Variants in VPS37A observed in about 807,000 individuals in gnomAD.
The protein encoded by VPS37A is VPS37A subunit of ESCRT-I, also known as vacuolar protein sorting-associated protein 37A.
Under a neutral mutation model 49.8 loss-of-function variants are expected in VPS37A, and 30 were observed. The ratio of observed to expected loss-of-function variants is 0.60; its 90% CI spans 0.45 to 0.82. The LOEUF (loss-of-function observed/expected upper bound fraction) is 0.82, where lower values mean the gene tolerates loss of function less well. VPS37A is among the 40% of genes least tolerant of loss of function. VPS37A has a pLI of 0.00. For missense variants in VPS37A, 593 were observed against 464.4 expected, an observed-to-expected ratio of 1.28 and a Z score of -2.55; for synonymous variants, 195 against 160.6, an observed-to-expected ratio of 1.21 and a Z score of -1.62.
chr8:17,266,307 A>G (rs1011219267), intron 2 of VPS37A, among the ~76,000 whole-genome samples: 2 of 152,206 alleles, frequency 1.3e-5, no homozygotes, highest in African/African-American at 4.8e-5. Flanking sequence ...ATATATATAA[A>G]GCCGTTAGAG....
At chr8:17,278,455 A>G (rs1814733414) in intron 6 of VPS37A, among the ~76,000 whole-genome samples, 1 of 152,042 alleles carries the variant, frequency 6.6e-6, no homozygotes, top group Non-Finnish European at 1.5e-5. Context: ...TTTTCCCCTT[A>G]TATTATCACC....
At chr8:17,276,339 A>T in intron 5 of VPS37A, 58 bp from the exon 6 acceptor site, 6 of 1,377,048 alleles carry the variant, frequency 4.4e-6, no homozygotes, top group Non-Finnish European at 6.1e-6. Flanking sequence ...TTTATTAGTA[A>T]TTGAGAGCAG....
chr8:17,315,667 A>T, the VPS37A span, among the ~76,000 whole-genome samples: 1 of 152,176 alleles, frequency 6.6e-6, no homozygotes, highest in Admixed American at 6.5e-5. Context: ...AATGTAACAG[A>T]CATCCAGATT....
chr8:17,279,919 A>C, intron 6 of VPS37A, 109 bp from the exon 7 acceptor site: 2 of 1,436,432 alleles, frequency 1.4e-6, no homozygotes, highest in Non-Finnish European at 1.9e-6. Context: ...ATATGTAAAA[A>C]TTATTTAGAA....
chr8:17,331,245 T>C, the VPS37A span: 1 of 1,611,954 alleles, frequency 6.2e-7, no homozygotes, highest in Non-Finnish European at 8.5e-7. Context: ...TTCATTCTCA[T>C]AGCCTTTCCC....
intron 1 of VPS37A, among the ~76,000 whole-genome samples, chr8:17,265,406 T>G (rs998451338): frequency 3.9e-5 from 6 of 152,146 alleles, no homozygotes; most frequent in Non-Finnish European, 8.8e-5. Flanking sequence ...GCTTCTCTAC[T>G]TAGAAAAAAG....
At chr8:17,272,824 A>G (rs938770016) in intron 4 of VPS37A, among the ~76,000 whole-genome samples, 1 of 144,882 alleles carries the variant, frequency 6.9e-6, no homozygotes, top group Non-Finnish European at 1.5e-5. Context: ...TTCAAAAAGT[A>G]TAAAGGAGTA....
At position 17,247,369 on chromosome 8, in the gene VPS37A, G is replaced by A; in HGVS notation, c.125G>A (p.Ser42Asn). The change falls in exon 1 of 12, where the codon AGT (serine) becomes AAT (asparagine). Residue 42 changes from serine to asparagine, a missense_variant and splice_region_variant. By Grantham distance (46) the Ser-to-Asn change is conservative (BLOSUM62 1). Transcript: ENST00000324849. ...GAGTCCCTCCGGAACTCACACTCCA[G>A]GTGACTGGTCGCTGCCTCTCCACCG... ...LIESLRNSHSSIAEIQKDVEY... is the reference protein window; with the variant it reads ...LIESLRNSHSNIAEIQKDVEY... 6.5e-7 allele frequency: 1 copy of A among 1,544,588 alleles called. No homozygotes were observed. Among genetic ancestry groups the A allele is most frequent in the Non-Finnish European group, 8.7e-7 (1 of 1,144,918 alleles).
intron 4 of VPS37A, among the ~76,000 whole-genome samples, chr8:17,272,942 G>A (rs1445683136): frequency 1.4e-5 from 2 of 138,252 alleles, no homozygotes; most frequent in African/African-American, 2.7e-5. Flanking sequence ...TTCCTGAGCT[G>A]TTTTATTCAT....
In VPS37A at chr8:17,296,640, G is replaced by A. The variant is rs982549360; in HGVS notation, c.*1654G>A. ...TGATTAATTCATTTGATCTATCTAT[G>A]TTATTAAGTACCTACTAGGAATAAG... is the stretch of plus-strand genomic sequence containing the variant. On this transcript the variant is annotated 3_prime_UTR_variant, in exon 12 of 12. Coordinates refer to ENST00000324849, the MANE Select transcript of VPS37A (RefSeq NM_152415.3). 7 of 152,054 alleles carry A rather than the reference G, an allele frequency of 4.6e-5. No individual in the cohort carries two copies. The highest frequency in any genetic ancestry group is 7.4e-5 in the Non-Finnish European group (5 of 68,010). 9.4% of individuals were successfully genotyped at this position (152,054 alleles called of 1,614,324 possible).
chr8:17,325,969 C>A, the VPS37A span, among the ~76,000 whole-genome samples: 442 of 152,300 alleles, frequency 2.9e-3, no homozygotes, highest in African/African-American at 0.01. Context: ...CACTGGAAAG[C>A]ACTTTATAGT....
intron 1 of VPS37A, among the ~76,000 whole-genome samples, chr8:17,251,872 C>G (rs141929077): frequency 6.6e-6 from 1 of 152,162 alleles, no homozygotes; most frequent in African/African-American, 2.4e-5. Flanking sequence ...CTTGTAGAGT[C>G]AGCTCTTGTA....
At chr8:17,313,668 TAATGAA>T in the VPS37A span, among the ~76,000 whole-genome samples, 2 of 152,204 alleles carry the variant, frequency 1.3e-5, no homozygotes, top group African/African-American at 4.8e-5. Flanking sequence ...ATCCTAATAT[TAATGAA>T]AATCATTAAG....
At chr8:17,278,612 C>T (rs887087624) in intron 6 of VPS37A, among the ~76,000 whole-genome samples, 5 of 152,006 alleles carry the variant, frequency 3.3e-5, no homozygotes, top group Non-Finnish European at 5.9e-5. Flanking sequence ...CTAGAGTCAG[C>T]CATTTCTCTG....
At chr8:17,265,763 C>G in intron 1 of VPS37A, 144 bp from the exon 2 acceptor site, 1 of 1,534,536 alleles carries the variant, frequency 6.5e-7, no homozygotes. Flanking sequence ...ATTTTCCTTC[C>G]CCTCAAGATA....
chr8:17,325,118 T>G, the VPS37A span, among the ~76,000 whole-genome samples: 1 of 152,004 alleles, frequency 6.6e-6, no homozygotes, highest in African/African-American at 2.4e-5. Flanking sequence ...AAAAGGGACA[T>G]CGGAACCGAC....
chr8:17,265,101 C>G (rs906585540), intron 1 of VPS37A, among the ~76,000 whole-genome samples: 3 of 152,184 alleles, frequency 2.0e-5, no homozygotes, highest in African/African-American at 4.8e-5. Context: ...AGGACCCAAG[C>G]TACTTCTTTC....
rs539875685 is a variant in VPS37A, at chr8:17,248,259, C to A, written c.125+890C>A. On this transcript the variant is annotated intron_variant, in intron 1 of 11. Coordinates refer to ENST00000324849, the MANE Select transcript of VPS37A (RefSeq NM_152415.3). ...ATGACAACATTGTTAAGTCCCTAACCCCTTTTTTTTTTTTTTTTTTTGCCG... is the reference window on the plus strand; with the variant it reads ...ATGACAACATTGTTAAGTCCCTAACACCTTTTTTTTTTTTTTTTTTTGCCG... 4.0e-4 allele frequency: 169 copies of A among 426,974 alleles called. 1 individual carries two copies. Among genetic ancestry groups the A allele is most frequent in the African/African-American group, 3.2e-3 (152 of 47,662 alleles). The allele number at this position is 426,974 out of a possible 1,614,324, so 26.4% of individuals were successfully genotyped here.
Position 17,276,187 on chromosome 8 carries a change from CA to C in VPS37A, c.643-200del, listed in dbSNP as rs3833692. ...ACACAGGTCCTCACATGGCCATCACCAAAAAAAAAAGTAATCCTATGTATAC... is the reference window on the plus strand; with the variant it reads ...ACACAGGTCCTCACATGGCCATCACCAAAAAAAAAGTAATCCTATGTATAC... On this transcript the variant is annotated intron_variant, in intron 5 of 11. Coordinates refer to ENST00000324849, the MANE Select transcript of VPS37A (RefSeq NM_152415.3). 0.049 allele frequency among the ~76,000 whole-genome samples: 7,098 copies of C among 146,310 alleles called. 203 individuals are homozygous for C. The highest frequency in any genetic ancestry group is 0.083 in the African/African-American group (3,332 of 40,038).
Sources: gnomAD v4.1 joint callset for allele counts (sites outside exome capture counted in the v4.1 genomes callset) on GRCh38, gnomAD v4.1.1 for gene constraint, MANE v1.5 for transcripts, NCBI Gene and HGNC (gene_info 2026-07-23, HGNC 2026-07-21) for gene names.